The following TRAPPC9 variants were observed in gnomAD, a reference collection of about 807,000 sequenced individuals.
The protein encoded by TRAPPC9 is trafficking protein particle complex subunit 9, also known as IKK2 binding protein.
A neutral mutation model predicts 124.0 loss-of-function variants in TRAPPC9; 83 were observed. The observed-to-expected ratio is 0.67, with a 90% CI of 0.56 to 0.80. TRAPPC9 has a LOEUF of 0.80. Ranked by LOEUF, TRAPPC9 falls within the 30% of genes least tolerant of loss-of-function variation. The pLI is 0.00. For missense variants in TRAPPC9, 1,302 were observed against 1,508.3 expected (o/e 0.86, Z 2.27); for synonymous variants, 638 against 617.5 (o/e 1.03, Z -0.49).
At chr8:140,429,080 G>GT (rs1301587496) in intron 4 of TRAPPC9, among the ~76,000 whole-genome samples, 15 of 117,410 alleles carry the variant, frequency 1.3e-4, no homozygotes, top group South Asian at 3.2e-4. Context: ...TTGTTTTTCT[G>GT]TTTTTGTTTT....
chr8:139,879,068 G>A (rs981265544), intron 21 of TRAPPC9, among the ~76,000 whole-genome samples: 1 of 152,264 alleles, frequency 6.6e-6, no homozygotes, highest in Non-Finnish European at 1.5e-5. Context: ...GGGATACTGA[G>A]TCTGCCAGGG....
At chr8:139,963,674 C>T (rs1835490102) in intron 19 of TRAPPC9, among the ~76,000 whole-genome samples, 1 of 144,756 alleles carries the variant, frequency 6.9e-6, no homozygotes, top group South Asian at 2.2e-4. Context: ...ACCTGCAAAG[C>T]CATTTGATAG....
At chr8:140,154,482 A>T (rs2061597450) in intron 17 of TRAPPC9, among the ~76,000 whole-genome samples, 1 of 152,138 alleles carries the variant, frequency 6.6e-6, no homozygotes, top group Non-Finnish European at 1.5e-5. Flanking sequence ...CGTTGCTCTG[A>T]TGATCAATAA....
At chr8:140,151,144 C>A (rs1473531054) in intron 17 of TRAPPC9, among the ~76,000 whole-genome samples, 1 of 152,136 alleles carries the variant, frequency 6.6e-6, no homozygotes, top group East Asian at 1.9e-4. Context: ...GTATCTGACA[C>A]CCCTACTTCT....
At chr8:139,920,063 C>A (rs1430022575) in intron 19 of TRAPPC9, among the ~76,000 whole-genome samples, 2 of 152,148 alleles carry the variant, frequency 1.3e-5, no homozygotes, top group Admixed American at 6.5e-5. Flanking sequence ...GATTCTTTAC[C>A]ACTGGGGCGC....
intron 19 of TRAPPC9, among the ~76,000 whole-genome samples, chr8:139,935,881 G>T (rs1833481598): frequency 1.3e-5 from 2 of 152,134 alleles, no homozygotes; most frequent in African/African-American, 4.8e-5. Context: ...GGAAACTGAG[G>T]CACACAGATG....
At chr8:140,291,346 T>C (rs1320012160) in intron 11 of TRAPPC9, 3 of 527,876 alleles carry the variant, frequency 5.7e-6, no homozygotes, top group East Asian at 3.5e-5. Flanking sequence ...TCAGTCCAGA[T>C]GGCACTGTTC....
At chr8:140,105,668 A>T (rs2060650783) in intron 17 of TRAPPC9, among the ~76,000 whole-genome samples, 1 of 151,916 alleles carries the variant, frequency 6.6e-6, no homozygotes, top group African/African-American at 2.4e-5. Flanking sequence ...ATCTAGCAGT[A>T]CCTCCTCTGT....
intron 17 of TRAPPC9, among the ~76,000 whole-genome samples, chr8:140,207,675 G>A (rs555474783): frequency 6.2e-4 from 94 of 152,308 alleles, no homozygotes; most frequent in Non-Finnish European, 1.1e-3. Context: ...CTGGTGCTTC[G>A]CGGTGACAGC....
intron 17 of TRAPPC9, among the ~76,000 whole-genome samples, chr8:140,168,026 T>C (rs4262308): frequency 0.58 from 88,147 of 152,012 alleles, 26,224 homozygotes; most frequent in East Asian, 0.99. Flanking sequence ...GTATGTCAGA[T>C]ACATGGACGA....
chr8:140,041,216 G>A lies in TRAPPC9; in HGVS notation c.2557-17137C>T, dbSNP rs531548317. Among the ~76,000 whole-genome samples the A allele has an allele frequency of 1.7e-4, 26 of 152,294 alleles. No individual in the cohort carries two copies. The East Asian group carries it at 4.5e-3, about 26-fold the overall frequency. Reference sequence around the variant, plus strand: ...CATCCCTGGACCCATGAAGAAGGGAGATTAGGAGAATCATGTATAATCAAT... The same window carrying A: ...CATCCCTGGACCCATGAAGAAGGGAAATTAGGAGAATCATGTATAATCAAT... On this transcript the variant is annotated intron_variant, in intron 17 of 22. Coordinates refer to ENST00000438773, the MANE Select transcript of TRAPPC9 (RefSeq NM_001160372.4).
At chr8:140,388,033 C>G (rs902487134) in intron 7 of TRAPPC9, among the ~76,000 whole-genome samples, 2 of 151,946 alleles carry the variant, frequency 1.3e-5, no homozygotes, top group Admixed American at 6.6e-5. Context: ...CCATGGAATA[C>G]TATGCAGCCA....
At chr8:140,342,624 AAC>A (rs1285111211) in intron 9 of TRAPPC9, among the ~76,000 whole-genome samples, 4 of 152,352 alleles carry the variant, frequency 2.6e-5, no homozygotes, top group African/African-American at 9.6e-5. Flanking sequence ...GATTCCTTGT[AAC>A]ACAGCAATGC....
chr8:140,448,400 C>T (rs951066958), intron 2 of TRAPPC9, among the ~76,000 whole-genome samples: 10 of 152,322 alleles, frequency 6.6e-5, no homozygotes, highest in Non-Finnish European at 1.3e-4. Flanking sequence ...CAGTCCTTAT[C>T]CACTATGCGT....
chr8:140,306,833 C>A (rs896193743), intron 10 of TRAPPC9, among the ~76,000 whole-genome samples: 9 of 152,174 alleles, frequency 5.9e-5, no homozygotes, highest in Non-Finnish European at 1.2e-4. Context: ...AGATATTCAT[C>A]AATGCATTAT....
At chr8:139,947,888 A>ATGTG (rs1342529093) in intron 19 of TRAPPC9, among the ~76,000 whole-genome samples, 723 of 64,058 alleles carry the variant, frequency 0.011, 63 homozygotes, top group Middle Eastern at 0.02. Context: ...AAAAAGAAAT[A>ATGTG]TGTGTGTATA....
intron 19 of TRAPPC9, among the ~76,000 whole-genome samples, chr8:139,955,323 C>T (rs1834901489): frequency 6.6e-6 from 1 of 152,102 alleles, no homozygotes; most frequent in African/African-American, 2.4e-5. Flanking sequence ...GGAGCCTGAT[C>T]ATCTCCGTGT....
intron 19 of TRAPPC9, among the ~76,000 whole-genome samples, chr8:139,938,255 C>G (rs908463392): frequency 3.2e-4 from 48 of 152,272 alleles, no homozygotes; most frequent in African/African-American, 1.2e-3. Context: ...GATAGAAAAC[C>G]ACACAGTCAG....
intron 18 of TRAPPC9, among the ~76,000 whole-genome samples, chr8:139,997,642 ATGCATCCTACACAGGGAGACAG>A (rs1838106892): frequency 1.5e-5 from 2 of 133,738 alleles, no homozygotes; most frequent in African/African-American, 5.3e-5. Flanking sequence ...AGGGGAAACA[ATGCATCCTACACAGGGAGACAG>A]TGCATCCTAC....
Sources: gnomAD v4.1 joint callset for allele counts (sites outside exome capture counted in the v4.1 genomes callset) on GRCh38, gnomAD v4.1.1 for gene constraint, MANE v1.5 for transcripts, NCBI Gene and HGNC (gene_info 2026-07-23, HGNC 2026-07-21) for gene names.